The following PCSK5 variants were observed in gnomAD, a reference collection of about 807,000 sequenced individuals.
The protein encoded by PCSK5 is proprotein convertase subtilisin/kexin type 5.
In PCSK5, 129 loss-of-function variants were observed where a neutral mutation model predicts 233.2. The ratio of observed to expected loss-of-function variants is 0.55; its 90% CI spans 0.48 to 0.64. PCSK5 has a LOEUF of 0.64. PCSK5 is among the 30% of genes least tolerant of loss of function. The pLI, the probability that PCSK5 is intolerant of heterozygous loss-of-function variation, is 0.00. For synonymous variants in PCSK5, 825 were observed against 879.2 expected, an observed-to-expected ratio of 0.94 and a Z score of 1.09; for missense variants, 2,076 against 2,430.1, an observed-to-expected ratio of 0.85 and a Z score of 3.06.
chr9:76,179,650 A>C lies in PCSK5; in HGVS notation c.1955A>C (p.His652Pro). Residue 652 changes from histidine (H) to proline (P), a missense_variant, in exon 15 of 38, where the codon CAC becomes CCC. Around this residue, in one of 6 missense-constraint regions of PCSK5, gnomAD observed 84 missense variants for 108.8 expected, o/e 0.77. Coordinates refer to ENST00000674117, the MANE Select transcript of PCSK5 (RefSeq NM_001372043.1). The stretch of plus-strand genomic sequence containing the variant: ...GGCTGTGACGGGCCAGGACCAGACC[A>C]CTGCAATGACTGTTTGCACTACTAC... ...EVGCDGPGPD[H>P]CNDCLHYYYK... is the part of the protein sequence containing the mutation. The C allele has an allele frequency of 6.2e-7, 1 of 1,613,864 alleles. No individual in the cohort carries two copies. The highest frequency in any genetic ancestry group is 8.5e-7 in the Non-Finnish European group (1 of 1,179,764).
intron 10 of PCSK5, among the ~76,000 whole-genome samples, chr9:76,150,409 G>A (rs540884773): frequency 2.0e-5 from 3 of 152,116 alleles, no homozygotes; most frequent in South Asian, 2.1e-4. Flanking sequence ...TGACACGGGC[G>A]GATCACCTGA....
chr9:76,019,654 T>C (rs189853434), intron 3 of PCSK5, among the ~76,000 whole-genome samples: 37 of 152,296 alleles, frequency 2.4e-4, no homozygotes, highest in African/African-American at 8.9e-4. Context: ...ATTTGGGGTA[T>C]AAACTGTCTT....
chr9:76,340,875 T>C (rs1031926947), intron 35 of PCSK5, among the ~76,000 whole-genome samples: 2 of 151,878 alleles, frequency 1.3e-5, no homozygotes, highest in African/African-American at 2.4e-5. Context: ...ATCCAACCCA[T>C]CTATTTTTTT....
intron 5 of PCSK5, among the ~76,000 whole-genome samples, chr9:76,047,264 C>G (rs949047169): frequency 6.6e-6 from 1 of 151,656 alleles, no homozygotes; most frequent in African/African-American, 2.4e-5. Flanking sequence ...GCCCAGCTAA[C>G]TTTTTGTATT....
At chr9:76,352,868 C>A (rs1441707635) in intron 36 of PCSK5, among the ~76,000 whole-genome samples, 1 of 140,754 alleles carries the variant, frequency 7.1e-6, no homozygotes, top group Non-Finnish European at 1.5e-5. Flanking sequence ...CATGGTGAAA[C>A]CCCATCTCTA....
chr9:75,988,892 A>G (rs1342225557), intron 3 of PCSK5, among the ~76,000 whole-genome samples: 1 of 152,196 alleles, frequency 6.6e-6, no homozygotes, highest in African/African-American at 2.4e-5. Flanking sequence ...GATTAGCACA[A>G]CATCCTGTCT....
At chr9:76,173,487 G>T in intron 13 of PCSK5, among the ~76,000 whole-genome samples, 1 of 74,128 alleles carries the variant, frequency 1.3e-5, no homozygotes, top group South Asian at 3.7e-4. Flanking sequence ...TGAAATGGAG[G>T]CACGTTTCCT....
intron 1 of PCSK5, among the ~76,000 whole-genome samples, chr9:75,903,572 G>T (rs1338812350): frequency 1.5e-5 from 2 of 132,064 alleles, no homozygotes; most frequent in East Asian, 2.0e-4. Context: ...ATGTGTGTGT[G>T]TGTATATATA....
At chr9:76,288,469 T>C (rs773837515) in intron 24 of PCSK5, among the ~76,000 whole-genome samples, 2 of 152,218 alleles carry the variant, frequency 1.3e-5, no homozygotes, top group African/African-American at 2.4e-5. Context: ...AAGTATCTTT[T>C]TCCAGTGACA....
chr9:76,275,659 A>G (rs950320387), intron 24 of PCSK5, among the ~76,000 whole-genome samples: 6 of 152,206 alleles, frequency 3.9e-5, no homozygotes, highest in African/African-American at 1.4e-4. Context: ...TCCTGATCTC[A>G]AGTGATCCAC....
At chr9:76,268,242 G>T (rs1416989564) in intron 24 of PCSK5, among the ~76,000 whole-genome samples, 1 of 152,184 alleles carries the variant, frequency 6.6e-6, no homozygotes, top group Non-Finnish European at 1.5e-5. Flanking sequence ...GGAGCAGAAT[G>T]ATCTGAGAGG....
chr9:76,242,411 T>C (rs943909225), intron 24 of PCSK5, among the ~76,000 whole-genome samples: 14 of 152,192 alleles, frequency 9.2e-5, no homozygotes, highest in African/African-American at 3.4e-4. Context: ...CCCCATTATC[T>C]TCCACTATAA....
intron 24 of PCSK5, among the ~76,000 whole-genome samples, chr9:76,262,232 C>T (rs1827198155): frequency 6.6e-6 from 1 of 152,156 alleles, no homozygotes; most frequent in Admixed American, 6.5e-5. Context: ...ATGCCATCCC[C>T]ATCAAGCTAC....
chr9:76,216,764 C>A (rs1825549969), intron 20 of PCSK5, among the ~76,000 whole-genome samples: 2 of 152,190 alleles, frequency 1.3e-5, no homozygotes, highest in Non-Finnish European at 2.9e-5. Flanking sequence ...CAATTGGAGT[C>A]TGTTTTCTTA....
chr9:76,127,986 G>A (rs1822580146), intron 9 of PCSK5, among the ~76,000 whole-genome samples: 2 of 152,162 alleles, frequency 1.3e-5, no homozygotes, highest in Admixed American at 1.3e-4. Context: ...CCATTCTCGT[G>A]TGATTAAGAG....
intron 1 of PCSK5, among the ~76,000 whole-genome samples, chr9:75,916,196 A>G (rs1822980487): frequency 6.6e-6 from 1 of 152,226 alleles, no homozygotes; most frequent in Admixed American, 6.5e-5. Flanking sequence ...GACTCCAAGA[A>G]CGAATATGTA....
rs535082489 is a variant in PCSK5 at position 76,108,322 on chromosome 9, C to G, written c.1208+971C>G. On this transcript the variant is annotated intron_variant, in intron 9 of 37. Coordinates refer to ENST00000674117, the MANE Select transcript of PCSK5 (RefSeq NM_001372043.1). The stretch of plus-strand genomic sequence containing the variant: ...AAAGGAACTGAACTAATGATATAAG[C>G]GATTTTCTAAAAATAGCCCTGCACC... 8.5e-5 allele frequency among the ~76,000 whole-genome samples: 13 copies of G among 152,214 alleles called. No homozygotes were observed. The South Asian group carries it at 2.7e-3, about 32-fold the overall frequency.
intron 7 of PCSK5, among the ~76,000 whole-genome samples, chr9:76,073,722 T>C (rs907623216): frequency 4.0e-5 from 2 of 49,390 alleles, no homozygotes; most frequent in Admixed American, 2.5e-4. Context: ...TGAATGCGCA[T>C]ATATATATAT....
intron 9 of PCSK5, among the ~76,000 whole-genome samples, chr9:76,128,366 T>C (rs540088814): frequency 4.6e-4 from 70 of 152,310 alleles, no homozygotes; most frequent in Non-Finnish European, 8.8e-4. Flanking sequence ...GGAGACCTGG[T>C]GGAAAGCTTC....
Sources: allele counts gnomAD v4.1 joint callset (sites outside exome capture counted in the v4.1 genomes callset), GRCh38; gene constraint gnomAD v4.1.1; regional missense constraint gnomAD v4.1.1; transcripts MANE v1.5; gene names NCBI Gene and HGNC (gene_info 2026-07-23, HGNC 2026-07-21).